The following AGAP3 variants were observed in gnomAD, a reference collection of about 807,000 sequenced individuals.
AGAP3 encodes arf-GAP with GTPase, ANK repeat and PH domain-containing protein 3.
In AGAP3, 24 loss-of-function variants were observed where a neutral mutation model predicts 96.9. That is an observed-to-expected ratio of 0.25 (90% confidence interval 0.18 to 0.35). The LOEUF (loss-of-function observed/expected upper bound fraction) is 0.35. Ranked by LOEUF, AGAP3 falls within the 10% of genes least tolerant of loss-of-function variation. The pLI is 1.00. For synonymous variants in AGAP3, 563 were observed against 536.1 expected, an observed-to-expected ratio of 1.05 and a Z score of -0.69; for missense variants, 876 against 1,254.2, an observed-to-expected ratio of 0.70 and a Z score of 4.55.
In AGAP3 at chr7:151,133,388, G is replaced by A. The variant is rs530037452; in HGVS notation, c.1327-1012G>A. Among the ~76,000 whole-genome samples the A allele has an allele frequency of 1.3e-5, 2 of 152,296 alleles. No individual in the cohort carries two copies. Among genetic ancestry groups the A allele is most frequent in the South Asian group, 4.1e-4 (2 of 4,830 alleles). ...CCTCTGGAGGAGAGGCTGGAAGCAGGAGGCCCAGCGGGGCTCCAGGCCAGG... is the reference window on the plus strand; with the variant it reads ...CCTCTGGAGGAGAGGCTGGAAGCAGAAGGCCCAGCGGGGCTCCAGGCCAGG... On this transcript the variant is annotated intron_variant, in intron 10 of 17. Transcript: ENST00000397238. The surrounding 1 kb of genome is among the most constrained non-coding windows in gnomAD (Gnocchi z 5.4).
At chr7:151,102,571 A>AG (rs1196175642) in intron 1 of AGAP3, among the ~76,000 whole-genome samples, 1 of 148,318 alleles carries the variant, frequency 6.7e-6, no homozygotes, top group African/African-American at 2.5e-5. Context: ...AGACCAGCCT[A>AG]GGCAACATAG....
chr7:151,130,703 T>C (rs1009501868), intron 10 of AGAP3, among the ~76,000 whole-genome samples: 4 of 152,136 alleles, frequency 2.6e-5, no homozygotes, highest in Non-Finnish European at 5.9e-5. Flanking sequence ...CGAAGCATAC[T>C]GGGCTACACA....
At chr7:151,123,441 G>C in intron 8 of AGAP3, 1 of 1,132,714 alleles carries the variant, frequency 8.8e-7, no homozygotes, top group Non-Finnish European at 1.1e-6. Flanking sequence ...TGCGCTCCCG[G>C]TTGTCGCGCC....
chr7:151,114,758 G>T lies in AGAP3; in HGVS notation c.332-2035G>T. 9.8e-7 allele frequency: 1 copy of T among 1,018,294 alleles called. No homozygotes were observed. Among genetic ancestry groups the T allele is most frequent in the East Asian group, 9.5e-5 (1 of 10,582 alleles). 63.1% of individuals were successfully genotyped at this position (1,018,294 alleles called of 1,614,324 possible). A position where few individuals can be genotyped will look rare whatever the true frequency, so the allele number is the denominator to read the frequency against. ...CTCGCCATGGGCCTGGCCCGCGCCC[G>T]CCGGCCCTGAGCATGGAGCGGGGCT... On this transcript the variant is annotated intron_variant, in intron 1 of 17. Coordinates refer to ENST00000397238, the MANE Select transcript of AGAP3 (RefSeq NM_031946.7). The surrounding 1 kb of genome is among the most constrained non-coding windows in gnomAD (Gnocchi z 4.4).
intron 1 of AGAP3, among the ~76,000 whole-genome samples, chr7:151,093,796 C>G (rs1378591477): frequency 6.6e-6 from 1 of 152,240 alleles, no homozygotes; most frequent in Non-Finnish European, 1.5e-5. Flanking sequence ...CGTCCCTGCT[C>G]TGCCACTAAC....
At position 151,138,291 on chromosome 7, in the gene AGAP3, GC is replaced by G; in HGVS notation, c.1649del (p.Pro550GlnfsTer141). On this transcript the variant is annotated frameshift_variant, in exon 12 of 18. Coordinates refer to ENST00000397238, the MANE Select transcript of AGAP3 (RefSeq NM_031946.7). LOFTEE classifies it high-confidence loss of function. ...DQWSEATTSL[P>X]PGMQHPASGP... ...AGTGGAGTGAGGCCACCACTTCCCTGCCCCCAGGCATGCAGCACCCTGGTGA... is the reference window on the plus strand; with the variant it reads ...AGTGGAGTGAGGCCACCACTTCCCTGCCCCAGGCATGCAGCACCCTGGTGA... 1 of 1,612,368 alleles carries G rather than the reference GC, an allele frequency of 6.2e-7. No homozygotes were observed. Among genetic ancestry groups the G allele is most frequent in the Non-Finnish European group, 8.5e-7 (1 of 1,179,500 alleles).
chr7:151,098,977 C>G (rs1798724907), intron 1 of AGAP3, among the ~76,000 whole-genome samples: 1 of 151,776 alleles, frequency 6.6e-6, no homozygotes, highest in African/African-American at 2.4e-5. Flanking sequence ...CACAGGCAGT[C>G]CACTCACCTT....
intron 1 of AGAP3, chr7:151,090,269 T>C (rs959007981): frequency 6.8e-6 from 1 of 146,418 alleles, no homozygotes; most frequent in Non-Finnish European, 1.5e-5. Flanking sequence ...GAAGTGGAAG[T>C]GGACCTGACT....
At chr7:151,112,193 C>T (rs4725392) in intron 1 of AGAP3, 38,520 of 151,946 alleles carry the variant, frequency 0.25, 5,337 homozygotes, top group Middle Eastern at 0.36. Context: ...CTAGTTTCTC[C>T]GGGTCAGGAA....
At chr7:151,134,325 T>C (rs1413912626) in intron 10 of AGAP3, 75 bp from the exon 11 acceptor site, 1 of 1,525,768 alleles carries the variant, frequency 6.6e-7, no homozygotes, top group African/African-American at 1.4e-5. Context: ...GGGAGAGACC[T>C]AGGAGTTGCA....
chr7:151,103,001 A>G (rs1798896125), intron 1 of AGAP3, among the ~76,000 whole-genome samples: 1 of 152,244 alleles, frequency 6.6e-6, no homozygotes. Flanking sequence ...TAGATAAGCT[A>G]TGATTGTGCT....
rs1369779919 is a variant in AGAP3, at chr7:151,134,537, G to T, written c.1464G>T (p.Glu488Asp). 1 of 1,612,630 alleles carries T rather than the reference G, an allele frequency of 6.2e-7. No homozygotes were observed. Among genetic ancestry groups the T allele is most frequent in the African/African-American group, 1.3e-5 (1 of 74,932 alleles). ...TSPRANGLSV[E>D]RSNTQLGGGT... is the part of the protein sequence containing the mutation. Reference sequence around the variant, plus strand: ...CCCGTGCCAACGGGCTGTCCGTGGAGCGGAGTAACACACAGCTGGGTGGGG... The same window carrying T: ...CCCGTGCCAACGGGCTGTCCGTGGATCGGAGTAACACACAGCTGGGTGGGG... Residue 488 changes from glutamate (E) to aspartate (D), a missense_variant, in exon 11 of 18, where the codon GAG (glutamate) becomes GAT (aspartate). Coordinates refer to ENST00000397238, the MANE Select transcript of AGAP3 (RefSeq NM_031946.7).
chr7:151,116,687 C>G, intron 1 of AGAP3, 106 bp from the exon 2 acceptor site: 1 of 1,321,676 alleles, frequency 7.6e-7, no homozygotes, highest in South Asian at 1.2e-5. Context: ...AGCTGCTGTC[C>G]TCTGGCCTGG....
intron 8 of AGAP3, 163 bp from the exon 9 acceptor site, chr7:151,123,631 G>T (rs1800024897): frequency 6.8e-7 from 1 of 1,466,130 alleles, no homozygotes; most frequent in Admixed American, 2.3e-5. Context: ...TAAACCCGTT[G>T]GAATACTCGT....
intron 9 of AGAP3, 81 bp downstream of exon 9, chr7:151,123,967 C>T: frequency 7.2e-7 from 1 of 1,391,180 alleles, no homozygotes; most frequent in Non-Finnish European, 9.9e-7. Context: ...TCTTCTCAGG[C>T]CTCTGTGATG....
rs1032347548 is a variant in AGAP3 at position 151,115,324 on chromosome 7, C to T, written c.332-1469C>T. ...GAGGGGCCCCGGCGCGGCCTGGCGGCGCTCAGGAAGAGCTTCAGCTTCCGC... is the reference window on the plus strand; with the variant it reads ...GAGGGGCCCCGGCGCGGCCTGGCGGTGCTCAGGAAGAGCTTCAGCTTCCGC... On this transcript the variant is annotated intron_variant, in intron 1 of 17. Transcript: ENST00000397238. The T allele has an allele frequency of 4.9e-6, 5 of 1,011,310 alleles. No individual in the cohort carries two copies. The Admixed American group carries it at 1.8e-4, about 36-fold the overall frequency. The allele number at this position is 1,011,310 out of a possible 1,614,324, so 62.6% of individuals were successfully genotyped here.
chr7:151,115,617 C>T (rs867861705), intron 1 of AGAP3: 271 of 1,168,064 alleles, frequency 2.3e-4, no homozygotes, highest in African/African-American at 1.3e-3. Flanking sequence ...GGCTGCGGCC[C>T]CGGAGCTCCT....
chr7:151,143,801 C>T lies in AGAP3; in HGVS notation c.2594C>T (p.Ala865Val). ...GLTPLAYARR[A>V]GSQECADILI... ...ACTCCACTGGCATATGCTCGCCGGG[C>T]CGGCAGCCAGGAGTGTGCAGACATC... Residue 865 changes from alanine to valine, a missense_variant, in exon 18 of 18, where the codon GCC becomes GTC. Ala to Val is a moderately conservative substitution (Grantham distance 64). Coordinates refer to ENST00000397238, the MANE Select transcript of AGAP3 (RefSeq NM_031946.7). The surrounding 1 kb of genome is among the most constrained non-coding windows in gnomAD (Gnocchi z 5.9). 1 of 1,614,116 alleles carries T rather than the reference C, an allele frequency of 6.2e-7. No homozygotes were observed. Among genetic ancestry groups the T allele is most frequent in the Admixed American group, 1.7e-5 (1 of 60,026 alleles).
Position 151,143,383 on chromosome 7 carries a change from G to A in AGAP3, c.2316G>A (p.Lys772=), listed in dbSNP as rs763160751. 3 of 1,614,104 alleles carry A rather than the reference G, an allele frequency of 1.9e-6. No homozygotes were observed. Among genetic ancestry groups the A allele is most frequent in the South Asian group, 1.1e-5 (1 of 91,070 alleles). Residue 772 remains lysine, a synonymous_variant, in exon 17 of 18, where the codon AAG becomes AAA. Transcript: ENST00000397238. The surrounding 1 kb of genome is among the most constrained non-coding windows in gnomAD (Gnocchi z 5.9). ...ERWIRAKYEQ[K]LFLAPLPSSD... ...GGATACGGGCCAAGTATGAACAGAA[G>A]CTCTTCCTGGCCCCACTGCCAAGCT...
Sources: allele counts gnomAD v4.1 joint callset (sites outside exome capture counted in the v4.1 genomes callset), GRCh38; gene constraint gnomAD v4.1.1; non-coding constraint Gnocchi (gnomAD v3.1); transcripts MANE v1.5; gene names NCBI Gene and HGNC (gene_info 2026-07-23, HGNC 2026-07-21).